Variants in RHBG observed in about 807,000 individuals in gnomAD.
The protein encoded by RHBG is Rh family B glycoprotein.
RHBG carries 39 observed loss-of-function variants against 40.1 expected under a neutral mutation model. The ratio of observed to expected loss-of-function variants is 0.97; its 90% CI spans 0.75 to 1.27. The LOEUF is 1.27. Among genes scored for constraint, RHBG ranks in the 50% most tolerant of loss-of-function variants. The pLI is 0.00. For missense variants in RHBG, 549 were observed against 588.1 expected (o/e 0.93, Z 0.69); for synonymous variants, 237 against 252.5 (o/e 0.94, Z 0.58).
At chr1:156,372,719 A>G (rs571342129) in intron 1 of RHBG, among the ~76,000 whole-genome samples, 5 of 152,292 alleles carry the variant, frequency 3.3e-5, no homozygotes, top group East Asian at 1.9e-4. Context: ...TTTAATATCC[A>G]TACTTTACAG....
Position 156,377,596 on chromosome 1 carries a change from T to C in RHBG, c.374+109T>C. 1 of 1,192,012 alleles carries C rather than the reference T, an allele frequency of 8.4e-7. No homozygotes were observed. Among genetic ancestry groups the C allele is most frequent in the Non-Finnish European group, 1.2e-6 (1 of 860,910 alleles). 73.8% of individuals were successfully genotyped at this position (1,192,012 alleles called of 1,614,324 possible). Reference sequence around the variant, plus strand: ...AAGTCTGCTTCCTGACTCACGATTCTGGGCGTCACTTGGTTTCTCTAGGTG... The same window carrying C: ...AAGTCTGCTTCCTGACTCACGATTCCGGGCGTCACTTGGTTTCTCTAGGTG... On this transcript the variant is annotated intron_variant, in intron 2 of 9. Transcript: ENST00000537040. The surrounding 1 kb of genome is among the most constrained non-coding windows in gnomAD (Gnocchi z 4.6).
At chr1:156,374,141 T>C (rs1667029633) in intron 1 of RHBG, among the ~76,000 whole-genome samples, 1 of 152,282 alleles carries the variant, frequency 6.6e-6, no homozygotes, top group East Asian at 1.9e-4. Context: ...CATTAGACTC[T>C]TATAGGAGCG....
At chr1:156,370,463 T>A (rs1463647984) in intron 1 of RHBG, among the ~76,000 whole-genome samples, 1 of 120,994 alleles carries the variant, frequency 8.3e-6, no homozygotes, top group Non-Finnish European at 1.8e-5. Context: ...AAAAAAAAAA[T>A]TAGCCGAGCG....
chr1:156,381,577 G>A, intron 5 of RHBG, 64 bp downstream of exon 5: 1 of 1,523,406 alleles, frequency 6.6e-7, no homozygotes, highest in Non-Finnish European at 8.8e-7. Flanking sequence ...AGAGGTCTGA[G>A]ACCCTCAAGA....
At chr1:156,375,710 C>T (rs991551266) in intron 1 of RHBG, among the ~76,000 whole-genome samples, 4 of 148,756 alleles carry the variant, frequency 2.7e-5, no homozygotes, top group African/African-American at 9.8e-5. Context: ...TCAGATTCCA[C>T]AAAATAAAGG....
intron 4 of RHBG, 24 bp downstream of exon 4, chr1:156,378,423 CA>C: frequency 6.4e-7 from 1 of 1,571,102 alleles, no homozygotes; most frequent in South Asian, 1.2e-5. Flanking sequence ...GGTGCGGTAG[CA>C]GGGCAGGGGG....
At chr1:156,378,541 C>T in intron 4 of RHBG, 142 bp downstream of exon 4, 1 of 970,832 alleles carries the variant, frequency 1.0e-6, no homozygotes. Flanking sequence ...GCTGTGAGAG[C>T]TCTGGGACCT....
In RHBG at chr1:156,369,378, C is replaced by G. The variant is rs371716339; in HGVS notation, c.129C>G (p.Ala43=). The change falls in exon 1 of 10, where the codon GCC becomes GCG. Residue 43 remains alanine, a synonymous_variant. Coordinates refer to ENST00000537040, the MANE Select transcript of RHBG (RefSeq NM_020407.5). ...GCTACAACCACAAAACCGACGCTGCCCTCTGGCACCGGAGCAACCACAGTA... is the reference window on the plus strand; with the variant it reads ...GCTACAACCACAAAACCGACGCTGCGCTCTGGCACCGGAGCAACCACAGTA... ...FVRYNHKTDA[A]LWHRSNHSNA... The G allele has an allele frequency of 1.2e-6, 2 of 1,614,048 alleles. No individual in the cohort carries two copies. Among genetic ancestry groups the G allele is most frequent in the Non-Finnish European group, 1.7e-6 (2 of 1,180,014 alleles).
At position 156,377,914 on chromosome 1, in the gene RHBG, G is replaced by C; in HGVS notation, c.375-76G>C. On this transcript the variant is annotated intron_variant, in intron 2 of 9. Transcript: ENST00000537040. The surrounding 1 kb of genome is among the most constrained non-coding windows in gnomAD (Gnocchi z 4.6). Reference sequence around the variant, plus strand: ...CCCACCCACCACATCATGCTGTCCTGGCTTCATGCCAGGCAGGAACCCCGA... The same window carrying C: ...CCCACCCACCACATCATGCTGTCCTCGCTTCATGCCAGGCAGGAACCCCGA... 1.6e-6 allele frequency: 2 copies of C among 1,233,550 alleles called. No individual in the cohort carries two copies. Among genetic ancestry groups the C allele is most frequent in the Non-Finnish European group, 2.3e-6 (2 of 883,258 alleles). The allele number at this position is 1,233,550 out of a possible 1,614,324, so 76.4% of individuals were successfully genotyped here. A position where few individuals can be genotyped will look rare whatever the true frequency, so the allele number is the denominator to read the frequency against.
intron 1 of RHBG, among the ~76,000 whole-genome samples, chr1:156,376,779 G>A (rs1449357101): frequency 6.6e-6 from 1 of 152,224 alleles, no homozygotes; most frequent in African/African-American, 2.4e-5. Flanking sequence ...GCTGCAGTGA[G>A]CTATGATCAT....
At position 156,384,517 on chromosome 1, in the gene RHBG, C is replaced by G; in HGVS notation, c.1235-10C>G. On this transcript the variant is annotated splice_polypyrimidine_tract_variant and intron_variant, in intron 8 of 9. Transcript: ENST00000537040. ...GAGAAGCCTCACAGATCCTCCCCTA[C>G]CACCACCAGGGCTCCTGCTGAAGCT... 2 of 1,612,610 alleles carry G rather than the reference C, an allele frequency of 1.2e-6. No individual in the cohort carries two copies. The highest frequency in any genetic ancestry group is 1.3e-5 in the African/African-American group (1 of 74,884).
At chr1:156,384,409 C>A (rs755668520) in intron 8 of RHBG, 118 bp from the exon 9 acceptor site, 1 of 906,834 alleles carries the variant, frequency 1.1e-6, no homozygotes, top group South Asian at 1.3e-5. Flanking sequence ...GTTTTGCCTG[C>A]ACAGGCATCA....
At chr1:156,374,415 C>T (rs1459253817) in intron 1 of RHBG, among the ~76,000 whole-genome samples, 2 of 152,106 alleles carry the variant, frequency 1.3e-5, no homozygotes, top group Non-Finnish European at 2.9e-5. Context: ...CCCCTTCCCC[C>T]ACTCTTCTGT....
At chr1:156,380,695 C>T (rs1571011635) in intron 4 of RHBG, among the ~76,000 whole-genome samples, 2 of 138,656 alleles carry the variant, frequency 1.4e-5, no homozygotes, top group Non-Finnish European at 3.0e-5. Flanking sequence ...CACTGCACTC[C>T]AGCCTGGGTG....
rs576010717 is a variant in RHBG, at chr1:156,376,820, G to T, written c.188-481G>T. Among the ~76,000 whole-genome samples the T allele has an allele frequency of 2.6e-5, 4 of 152,286 alleles. No individual in the cohort carries two copies. The East Asian group carries it at 7.7e-4, about 29-fold the overall frequency. ...TGCACTCTTCCCTGGGTGACAGAGC[G>T]AGACATCTAGTAATAATAATAACTT... On this transcript the variant is annotated intron_variant, in intron 1 of 9. Coordinates refer to ENST00000537040, the MANE Select transcript of RHBG (RefSeq NM_020407.5).
intron 1 of RHBG, among the ~76,000 whole-genome samples, chr1:156,374,267 C>G (rs1667041969): frequency 6.6e-6 from 1 of 152,158 alleles, no homozygotes; most frequent in African/African-American, 2.4e-5. Flanking sequence ...CCCCCACCCC[C>G]CAACCATTTG....
Position 156,369,297 on chromosome 1 carries a change from C to A in RHBG, c.48C>A (p.Pro16=). The A allele has an allele frequency of 6.2e-7, 1 of 1,614,118 alleles. No individual in the cohort carries two copies. The highest frequency in any genetic ancestry group is 8.5e-7 in the Non-Finnish European group (1 of 1,180,028). ...SRAAGRRLQL[P]LLCLFLQGAT... is the part of the protein sequence containing the mutation. ...CCGCGGGCCGGCGACTGCAGCTTCC[C>A]CTGCTGTGCCTCTTCCTCCAGGGCG... is the stretch of plus-strand genomic sequence containing the variant. Residue 16 remains proline (P), a synonymous_variant, in exon 1 of 10, where the codon CCC becomes CCA. Transcript: ENST00000537040.
chr1:156,381,680 A>C, intron 5 of RHBG, 126 bp from the exon 6 acceptor site: 1 of 1,406,690 alleles, frequency 7.1e-7, no homozygotes, highest in Non-Finnish European at 9.6e-7. Context: ...ATATGGTAGC[A>C]GGACAATGAG....
At chr1:156,372,806 C>T (rs1666940021) in intron 1 of RHBG, among the ~76,000 whole-genome samples, 1 of 151,990 alleles carries the variant, frequency 6.6e-6, no homozygotes, top group African/African-American at 2.4e-5. Context: ...TTAACTGATT[C>T]ATTGAAACAG....
Sources: allele counts gnomAD v4.1 joint callset (sites outside exome capture counted in the v4.1 genomes callset), GRCh38; gene constraint gnomAD v4.1.1; non-coding constraint Gnocchi (gnomAD v3.1); transcripts MANE v1.5; gene names NCBI Gene and HGNC (gene_info 2026-07-23, HGNC 2026-07-21).